CES5A: variants seen among roughly 807,000 people sequenced by gnomAD.
CES5A encodes the protein carboxylesterase 5.
In CES5A, 67 loss-of-function variants were observed where a neutral mutation model predicts 62.9. The observed-to-expected ratio is 1.07, with a 90% CI of 0.88 to 1.31. CES5A has a LOEUF of 1.31. CES5A is among the 50% of genes most tolerant of loss of function. CES5A has a pLI of 0.00. For synonymous variants in CES5A, 296 were observed against 280.8 expected (o/e 1.05, Z -0.54); for missense variants, 748 against 708.5 (o/e 1.06, Z -0.63).
intron 10 of CES5A, 21 bp from the exon 11 acceptor site, chr16:55,849,794 G>T: frequency 6.2e-7 from 1 of 1,612,456 alleles, no homozygotes. Flanking sequence ...GTCAGGGAAG[G>T]TCAGGCATGC....
intron 2 of CES5A, among the ~76,000 whole-genome samples, chr16:55,931,456 A>G (rs2034311027): frequency 6.6e-6 from 1 of 152,176 alleles, no homozygotes; most frequent in South Asian, 2.1e-4. Context: ...GGTCAAGTGC[A>G]ATCTTCTTAG....
At chr16:55,855,526 T>C (rs2033223028) in intron 9 of CES5A, among the ~76,000 whole-genome samples, 1 of 152,176 alleles carries the variant, frequency 6.6e-6, no homozygotes, top group Non-Finnish European at 1.5e-5. Flanking sequence ...GTCCCATGTG[T>C]GTTTCAGCAT....
chr16:55,934,658 G>A (rs2034349820), intron 2 of CES5A, among the ~76,000 whole-genome samples: 1 of 131,952 alleles, frequency 7.6e-6, no homozygotes, highest in South Asian at 2.4e-4. Flanking sequence ...ATTGTGTGGG[G>A]TGTGTGTGTG....
At chr16:55,863,030 G>C (rs1186320254) in intron 6 of CES5A, among the ~76,000 whole-genome samples, 3 of 152,212 alleles carry the variant, frequency 2.0e-5, no homozygotes, top group Non-Finnish European at 2.9e-5. Flanking sequence ...TCCCAGTAGA[G>C]TAGCGTAGGC....
intron 1 of CES5A, among the ~76,000 whole-genome samples, chr16:55,901,966 C>T (rs1766031235): frequency 6.6e-6 from 1 of 152,182 alleles, no homozygotes; most frequent in African/African-American, 2.4e-5. Flanking sequence ...TTCCTTTCAA[C>T]AGGGAAGGAT....
intron 1 of CES5A, among the ~76,000 whole-genome samples, chr16:55,914,943 A>G (rs1362286743): frequency 1.3e-5 from 2 of 152,086 alleles, no homozygotes; most frequent in East Asian, 3.8e-4. Flanking sequence ...GGCATATGGG[A>G]ACTCTGTGCT....
intron 1 of CES5A, among the ~76,000 whole-genome samples, chr16:55,918,562 TA>T (rs2034170719): frequency 6.6e-6 from 1 of 152,214 alleles, no homozygotes; most frequent in Non-Finnish European, 1.5e-5. Context: ...ATACTTTAAC[TA>T]TGCCATCGCA....
chr16:55,884,320 C>T (rs2142427149), intron 1 of CES5A, among the ~76,000 whole-genome samples: 1 of 152,344 alleles, frequency 6.6e-6, no homozygotes, highest in East Asian at 1.9e-4. Flanking sequence ...GACAGTCTGT[C>T]TGTGTTCCCC....
At chr16:55,941,513 T>C (rs576324525) in intron 2 of CES5A, among the ~76,000 whole-genome samples, 3 of 152,072 alleles carry the variant, frequency 2.0e-5, no homozygotes, top group Non-Finnish European at 4.4e-5. Context: ...ATTGCAAAAC[T>C]CAGCATAGTT....
At chr16:55,896,051 G>C (rs2033929087) in intron 1 of CES5A, among the ~76,000 whole-genome samples, 2 of 152,266 alleles carry the variant, frequency 1.3e-5, no homozygotes, top group South Asian at 4.1e-4. Flanking sequence ...TCTGAGACTA[G>C]GTAATTTATA....
At chr16:55,899,097 A>C (rs1343576823) in intron 1 of CES5A, among the ~76,000 whole-genome samples, 2 of 152,224 alleles carry the variant, frequency 1.3e-5, no homozygotes, top group East Asian at 3.9e-4. Context: ...GTTTACCACC[A>C]GCAAAGCATG....
chr16:55,946,506 C>T (rs1359681228), intron 2 of CES5A, among the ~76,000 whole-genome samples: 3 of 152,194 alleles, frequency 2.0e-5, no homozygotes, highest in African/African-American at 7.2e-5. Context: ...CCCATTTTTC[C>T]TCCTTTCTGT....
At chr16:55,848,833 A>G (rs1338021545) in intron 11 of CES5A, among the ~76,000 whole-genome samples, 1 of 152,194 alleles carries the variant, frequency 6.6e-6, no homozygotes, top group Non-Finnish European at 1.5e-5. Flanking sequence ...TTTATTAGGT[A>G]TTCACTCTTA....
At chr16:55,863,200 C>T (rs2033388807) in intron 6 of CES5A, 148 bp downstream of exon 6, 1 of 637,732 alleles carries the variant, frequency 1.6e-6, no homozygotes, top group South Asian at 1.9e-5. Flanking sequence ...CCAGACCTTT[C>T]ACGGAGGAAC....
chr16:55,895,948 G>A (rs1356374662), intron 1 of CES5A, among the ~76,000 whole-genome samples: 1 of 152,198 alleles, frequency 6.6e-6, no homozygotes, highest in Non-Finnish European at 1.5e-5. Context: ...GAATGGATTA[G>A]TTCCTGAGAG....
chr16:55,846,838 C>T lies in CES5A; in HGVS notation c.1426G>A (p.Gly476Arg), dbSNP rs746482552. ...AGTAACTTCTCCTCCTCCGTGGCTC[C>T]TTCTGAAGGAGATAATCACAAAATG... ...FLKGDIVMFEGATEEEKLLSR... is the reference protein window; with the variant it reads ...FLKGDIVMFERATEEEKLLSR... The change falls in exon 12 of 13, where the codon GGA becomes AGA. Residue 476 changes from glycine (G) to arginine (R), a missense_variant and splice_region_variant. Physicochemically the swap from Gly to Arg is moderately radical, Grantham distance 125 (BLOSUM62 -2). Coordinates refer to ENST00000290567, the MANE Select transcript of CES5A (RefSeq NM_001143685.2). The T allele has an allele frequency of 3.7e-6, 6 of 1,613,846 alleles. No individual in the cohort carries two copies. Among genetic ancestry groups the T allele is most frequent in the Non-Finnish European group, 3.4e-6 (4 of 1,179,902 alleles).
At chr16:55,904,034 C>A (rs528193567) in intron 1 of CES5A, among the ~76,000 whole-genome samples, 1 of 152,092 alleles carries the variant, frequency 6.6e-6, no homozygotes, top group Non-Finnish European at 1.5e-5. Flanking sequence ...AATAGAAAAC[C>A]GTATACTCAC....
chr16:55,924,619 C>T (rs1177266445), intron 1 of CES5A, among the ~76,000 whole-genome samples: 5 of 151,924 alleles, frequency 3.3e-5, no homozygotes, highest in African/African-American at 1.2e-4. Flanking sequence ...CCAAAGCAAT[C>T]CTGAGCAAAA....
intron 11 of CES5A, among the ~76,000 whole-genome samples, chr16:55,847,170 C>G (rs1402994282): frequency 2.0e-5 from 3 of 151,990 alleles, no homozygotes; most frequent in Non-Finnish European, 4.4e-5. Flanking sequence ...TCCTCTGTCT[C>G]TCTTCCTTCT....
Sources: gnomAD v4.1 joint callset for allele counts (sites outside exome capture counted in the v4.1 genomes callset) on GRCh38, gnomAD v4.1.1 for gene constraint, MANE v1.5 for transcripts, NCBI Gene and HGNC (gene_info 2026-07-23, HGNC 2026-07-21) for gene names.